FSD1L: variants seen among roughly 807,000 people sequenced by gnomAD.
FSD1L encodes FSD1-like protein.
A neutral mutation model predicts 71.6 loss-of-function variants in FSD1L; 45 were observed. That is an observed-to-expected ratio of 0.63 (90% CI 0.49 to 0.81). FSD1L has a LOEUF of 0.81. Ranked by LOEUF, FSD1L falls within the 30% of genes least tolerant of loss-of-function variation. The pLI is 0.00. For synonymous variants in FSD1L, 197 were observed against 207.2 expected (o/e 0.95, Z 0.42); for missense variants, 561 against 618.1 (o/e 0.91, Z 0.98).
chr9:105,521,445 C>T lies in FSD1L; in HGVS notation c.1025+8509C>T, dbSNP rs547260933. On this transcript the variant is annotated intron_variant, in intron 10 of 13. Coordinates refer to ENST00000481272, the MANE Select transcript of FSD1L (RefSeq NM_001145313.3). The stretch of plus-strand genomic sequence containing the variant: ...ACATCTCACAGACATTGAAATAGTT[C>T]GCAGAGTTTTTTCTTCTAAAAGGAG... 1.0e-4 allele frequency: 167 copies of T among 1,613,684 alleles called. 1 individual carries two copies. The South Asian group carries it at 1.3e-3, about 13-fold the overall frequency.
At chr9:105,468,504 A>AC (rs1451874560) in intron 4 of FSD1L, among the ~76,000 whole-genome samples, 180 bp downstream of exon 4, 11 of 150,936 alleles carry the variant, frequency 7.3e-5, no homozygotes, top group African/African-American at 2.7e-4. Flanking sequence ...TATTCTCTTA[A>AC]CCATTTTTTT....
chr9:105,469,080 A>G (rs1588948445), intron 4 of FSD1L, among the ~76,000 whole-genome samples: 1 of 152,234 alleles, frequency 6.6e-6, no homozygotes, highest in East Asian at 1.9e-4. Flanking sequence ...TTCATGTTAT[A>G]TAGCATGTGC....
chr9:105,511,752 G>A (rs1215552180), intron 9 of FSD1L, among the ~76,000 whole-genome samples: 1 of 152,036 alleles, frequency 6.6e-6, no homozygotes, highest in Admixed American at 6.6e-5. Flanking sequence ...GGGGATAAAA[G>A]GATTATTGAT....
intron 1 of FSD1L, among the ~76,000 whole-genome samples, chr9:105,452,657 G>GCCTTCCTTCCTT (rs1316467278): frequency 2.6e-4 from 33 of 128,472 alleles, no homozygotes; most frequent in Non-Finnish European, 3.5e-4. Context: ...CTGCCTGCCT[G>GCCTTCCTTCCTT]CCTGCCTGCC....
intron 1 of FSD1L, among the ~76,000 whole-genome samples, chr9:105,452,066 T>C (rs1167024853): frequency 6.6e-6 from 1 of 152,188 alleles, no homozygotes; most frequent in Non-Finnish European, 1.5e-5. Context: ...GAGGCTTGAC[T>C]GGACAAAACT....
chr9:105,472,406 A>G (rs1213105437), intron 5 of FSD1L: 1 of 164,242 alleles, frequency 6.1e-6, no homozygotes, highest in Non-Finnish European at 1.3e-5. Context: ...ATAAAAATGT[A>G]AAAAGTAGAG....
At chr9:105,541,332 C>T (rs1249451441) in intron 13 of FSD1L, among the ~76,000 whole-genome samples, 3 of 147,906 alleles carry the variant, frequency 2.0e-5, no homozygotes, top group South Asian at 2.1e-4. Context: ...TGCCATATTA[C>T]GCATTTTTGG....
In FSD1L at chr9:105,471,721, GTT is replaced by G. The variant is rs1049947358; in HGVS notation, c.340-180_340-179del. ...TATATATATATAAAAAAAATAACAC[GTT>G]TTATATATATATATATATATATAAC... On this transcript the variant is annotated intron_variant, in intron 4 of 13. Transcript: ENST00000481272. Among the ~76,000 whole-genome samples, 20 of 98,370 alleles carry G rather than the reference GTT, an allele frequency of 2.0e-4. No individual in the cohort carries two copies. The South Asian group carries it at 4.7e-3, about 23-fold the overall frequency. 64.5% of individuals were successfully genotyped at this position (98,370 alleles called of 152,430 possible).
chr9:105,501,541 G>A (rs1833761671), intron 7 of FSD1L, among the ~76,000 whole-genome samples: 1 of 151,736 alleles, frequency 6.6e-6, no homozygotes. Flanking sequence ...TTCTGCATCA[G>A]CCTCCTGAGT....
chr9:105,522,259 T>A, intron 10 of FSD1L: 5 of 1,613,254 alleles, frequency 3.1e-6, no homozygotes, highest in Non-Finnish European at 4.2e-6. Flanking sequence ...ATGGAGACAT[T>A]AACTAAAGTT....
intron 10 of FSD1L, chr9:105,522,947 T>G: frequency 6.2e-7 from 1 of 1,613,552 alleles, no homozygotes; most frequent in Non-Finnish European, 8.5e-7. Flanking sequence ...CTCCTGCCAG[T>G]GCAGGGAGCA....
chr9:105,496,235 G>A (rs965434670), intron 7 of FSD1L, among the ~76,000 whole-genome samples: 3 of 123,770 alleles, frequency 2.4e-5, no homozygotes, highest in Admixed American at 2.1e-4. Context: ...TCGGAATCTC[G>A]CTGTGTCGCC....
intron 7 of FSD1L, among the ~76,000 whole-genome samples, chr9:105,488,321 A>G (rs190032734): frequency 3.3e-5 from 5 of 152,190 alleles, no homozygotes; most frequent in Non-Finnish European, 7.4e-5. Context: ...AGTAATATGC[A>G]TTTAAGTTTC....
At chr9:105,518,332 C>A (rs190096322) in intron 10 of FSD1L, among the ~76,000 whole-genome samples, 179 of 152,358 alleles carry the variant, frequency 1.2e-3, no homozygotes, top group African/African-American at 3.9e-3. Context: ...CTATAGAACT[C>A]TCCACCCGAA....
intron 6 of FSD1L, among the ~76,000 whole-genome samples, chr9:105,480,975 A>T (rs1240695737): frequency 1.3e-5 from 2 of 151,046 alleles, no homozygotes; most frequent in South Asian, 2.1e-4. Context: ...GTATCCTTAA[A>T]CTCTTTGTCT....
chr9:105,458,611 G>T (rs1384233394), intron 1 of FSD1L, among the ~76,000 whole-genome samples: 2 of 152,126 alleles, frequency 1.3e-5, no homozygotes, highest in Non-Finnish European at 2.9e-5. Context: ...GAGGAAGTAT[G>T]TGCTGATTGG....
At chr9:105,484,772 T>C (rs116569519) in intron 7 of FSD1L, among the ~76,000 whole-genome samples, 1,802 of 152,234 alleles carry the variant, frequency 0.012, 53 homozygotes, top group African/African-American at 0.042. Flanking sequence ...GCAGTGGGTC[T>C]CAAGGCCAGA....
intron 10 of FSD1L, among the ~76,000 whole-genome samples, chr9:105,531,853 T>C (rs976280524): frequency 6.6e-6 from 1 of 152,258 alleles, no homozygotes; most frequent in Non-Finnish European, 1.5e-5. Flanking sequence ...TTTTTTGTTA[T>C]AATTTATATA....
Position 105,546,723 on chromosome 9 carries a change from G to A in FSD1L, c.*240G>A. On this transcript the variant is annotated 3_prime_UTR_variant, in exon 14 of 14. Transcript: ENST00000481272. Reference sequence around the variant, plus strand: ...GATTGAAGAGTAAATGGGGGAAAAGGCAGTGTTTAATTAACATAAAAACTC... The same window carrying A: ...GATTGAAGAGTAAATGGGGGAAAAGACAGTGTTTAATTAACATAAAAACTC... The A allele has an allele frequency of 3.4e-6, 1 of 292,532 alleles. No homozygotes were observed. Among genetic ancestry groups the A allele is most frequent in the Non-Finnish European group, 6.3e-6 (1 of 159,316 alleles). The allele number at this position is 292,532 out of a possible 1,614,324, so 18.1% of individuals were successfully genotyped here.
Sources: gnomAD v4.1 joint callset for allele counts (sites outside exome capture counted in the v4.1 genomes callset) on GRCh38, gnomAD v4.1.1 for gene constraint, MANE v1.5 for transcripts, NCBI Gene and HGNC (gene_info 2026-07-23, HGNC 2026-07-21) for gene names.